KCNMA1: variants seen among roughly 807,000 people sequenced by gnomAD.
KCNMA1 encodes Calcium-activated potassium channel subunit alpha-1.
KCNMA1 carries 29 observed loss-of-function variants against 140.0 expected under a neutral mutation model. The ratio of observed to expected loss-of-function variants is 0.21; its 90% CI spans 0.15 to 0.28. The LOEUF is 0.28. Ranked by LOEUF, KCNMA1 falls within the 10% of genes least tolerant of loss-of-function variation. The probability of loss-of-function intolerance (pLI) is 1.00; values close to 1 mark genes in which losing one functional copy is unlikely to be tolerated. For missense variants in KCNMA1, 880 were observed against 1,602.2 expected, an observed-to-expected ratio of 0.55 and a Z score of 7.70; for synonymous variants, 612 against 611.9, an observed-to-expected ratio of 1.00 and a Z score of 0.00.
Position 77,014,206 on chromosome 10 carries a change from T to A in KCNMA1, c.2016-2163A>T, listed in dbSNP as rs796983699. On this transcript the variant is annotated intron_variant, in intron 17 of 27. Transcript: ENST00000286628. ...ACTTTGGGAGGCTGATGTGGATAGA[T>A]CACGAGGCCAGGAGTTTGAGACCAG... 3.9e-5 allele frequency among the ~76,000 whole-genome samples: 6 copies of A among 152,230 alleles called. 1 individual carries two copies. Among genetic ancestry groups the A allele is most frequent in the African/African-American group, 1.4e-4 (6 of 41,554 alleles).
chr10:77,377,740 C>T (rs1401248251), intron 2 of KCNMA1, among the ~76,000 whole-genome samples: 1 of 152,148 alleles, frequency 6.6e-6, no homozygotes, highest in Non-Finnish European at 1.5e-5. Flanking sequence ...GCTGGAGATC[C>T]TGGGAAGTAG....
At chr10:77,468,153 G>A (rs1388910352) in intron 1 of KCNMA1, among the ~76,000 whole-genome samples, 1 of 152,108 alleles carries the variant, frequency 6.6e-6, no homozygotes, top group African/African-American at 2.4e-5. Flanking sequence ...GACTACAGAT[G>A]TGCACAACCA....
At chr10:77,000,120 A>G (rs950516193) in intron 19 of KCNMA1, among the ~76,000 whole-genome samples, 2 of 152,134 alleles carry the variant, frequency 1.3e-5, no homozygotes, top group African/African-American at 2.4e-5. Context: ...GTCAGTGTAC[A>G]CCTACCCCTG....
intron 1 of KCNMA1, among the ~76,000 whole-genome samples, chr10:77,595,182 C>CT (rs2080463652): frequency 6.6e-6 from 1 of 151,986 alleles, no homozygotes; most frequent in Non-Finnish European, 1.5e-5. Flanking sequence ...CCCATCTCTA[C>CT]TAAAAAATCC....
chr10:77,590,686 C>T (rs1344336491), intron 1 of KCNMA1, among the ~76,000 whole-genome samples: 3 of 152,256 alleles, frequency 2.0e-5, no homozygotes, highest in Non-Finnish European at 2.9e-5. Flanking sequence ...AAAGTGGGAG[C>T]CCAGGCAGAA....
intron 2 of KCNMA1, among the ~76,000 whole-genome samples, chr10:77,262,223 C>T (rs1019321323): frequency 2.6e-5 from 4 of 152,120 alleles, no homozygotes; most frequent in African/African-American, 9.7e-5. Context: ...GAATACTATT[C>T]AGTGTTAATA....
chr10:77,465,553 T>G (rs1351932170), intron 1 of KCNMA1, among the ~76,000 whole-genome samples: 2 of 152,122 alleles, frequency 1.3e-5, no homozygotes, highest in Non-Finnish European at 2.9e-5. Context: ...GAACCACAGC[T>G]TTCTCATCTG....
chr10:77,493,281 C>G (rs1291591693), intron 1 of KCNMA1, among the ~76,000 whole-genome samples: 1 of 152,246 alleles, frequency 6.6e-6, no homozygotes, highest in East Asian at 1.9e-4. Context: ...AGGCATGGTG[C>G]TTCGAAAGCA....
intron 15 of KCNMA1, among the ~76,000 whole-genome samples, chr10:77,035,338 C>T (rs534575387): frequency 1.5e-4 from 23 of 152,286 alleles, no homozygotes; most frequent in Middle Eastern, 3.4e-3. Context: ...CATGTCCCCC[C>T]AGCCTACAGG....
intron 14 of KCNMA1, among the ~76,000 whole-genome samples, chr10:77,058,112 C>T (rs2095609563): frequency 6.6e-6 from 1 of 151,764 alleles, no homozygotes; most frequent in African/African-American, 2.4e-5. Context: ...AAAAAGAAAG[C>T]TTGAGTGGCT....
At chr10:77,338,589 C>A (rs1305010147) in intron 2 of KCNMA1, among the ~76,000 whole-genome samples, 2 of 152,184 alleles carry the variant, frequency 1.3e-5, no homozygotes, top group Non-Finnish European at 2.9e-5. Flanking sequence ...CCATCTCCTC[C>A]AGGGAGGACC....
At chr10:77,257,546 A>G (rs2061031425) in intron 2 of KCNMA1, among the ~76,000 whole-genome samples, 3 of 152,206 alleles carry the variant, frequency 2.0e-5, no homozygotes, top group African/African-American at 7.2e-5. Context: ...AAAAGGAAGA[A>G]GAATTTTTGA....
At chr10:77,414,961 T>C (rs984652484) in intron 1 of KCNMA1, among the ~76,000 whole-genome samples, 5 of 152,184 alleles carry the variant, frequency 3.3e-5, no homozygotes, top group African/African-American at 1.2e-4. Context: ...AGAACAGAGA[T>C]GGAATCTCCA....
chr10:77,099,293 C>T (rs1353980585), intron 9 of KCNMA1, among the ~76,000 whole-genome samples: 1 of 152,158 alleles, frequency 6.6e-6, no homozygotes, highest in Non-Finnish European at 1.5e-5. Flanking sequence ...ACTGTTGGGA[C>T]TGACCCTCCC....
At chr10:77,102,759 A>G (rs2153830708) in intron 9 of KCNMA1, among the ~76,000 whole-genome samples, 1 of 152,352 alleles carries the variant, frequency 6.6e-6, no homozygotes, top group Non-Finnish European at 1.5e-5. Flanking sequence ...TACTTTATCC[A>G]GTGTAACTAA....
At chr10:77,204,176 C>T (rs1444957049) in intron 3 of KCNMA1, among the ~76,000 whole-genome samples, 2 of 151,882 alleles carry the variant, frequency 1.3e-5, no homozygotes, top group African/African-American at 4.8e-5. Context: ...TACTACAATC[C>T]CTAGAGGATG....
chr10:77,620,350 C>A (rs1407873912), intron 1 of KCNMA1, among the ~76,000 whole-genome samples: 1 of 152,204 alleles, frequency 6.6e-6, no homozygotes, highest in East Asian at 1.9e-4. Flanking sequence ...ACTTTCCATG[C>A]AGGTGCAAGA....
chr10:77,598,828 A>G (rs1001400365), intron 1 of KCNMA1, among the ~76,000 whole-genome samples: 5 of 152,226 alleles, frequency 3.3e-5, no homozygotes, highest in African/African-American at 1.2e-4. Context: ...TACAGAGTAG[A>G]TGCTAACCCA....
At chr10:77,237,003 G>A (rs2055731552) in intron 3 of KCNMA1, among the ~76,000 whole-genome samples, 1 of 152,162 alleles carries the variant, frequency 6.6e-6, no homozygotes, top group Non-Finnish European at 1.5e-5. Flanking sequence ...AGTTGAGATT[G>A]CAGTTTTCAG....
Sources: gnomAD v4.1 joint callset for allele counts (sites outside exome capture counted in the v4.1 genomes callset) on GRCh38, gnomAD v4.1.1 for gene constraint, MANE v1.5 for transcripts, NCBI Gene and HGNC (gene_info 2026-07-23, HGNC 2026-07-21) for gene names.